RPAP3: variants seen among roughly 807,000 people sequenced by gnomAD.
RPAP3 encodes the protein RNA polymerase II-associated protein 3.
In RPAP3, 58 loss-of-function variants were observed where a neutral mutation model predicts 88.8. The observed-to-expected ratio is 0.65, with a 90% CI of 0.53 to 0.81. RPAP3 has a LOEUF of 0.81. RPAP3 is among the 40% of genes least tolerant of loss of function. The probability of loss-of-function intolerance (pLI) is 0.00; values close to 1 mark genes in which losing one functional copy is unlikely to be tolerated. For synonymous variants in RPAP3, 255 were observed against 259.9 expected (o/e 0.98, Z 0.18); for missense variants, 751 against 764.3 (o/e 0.98, Z 0.20).
Position 47,697,652 on chromosome 12 carries a change from G to A in RPAP3, c.362C>T (p.Ser121Leu), listed in dbSNP as rs374360356. The A allele has an allele frequency of 4.4e-5, 71 of 1,609,586 alleles. No individual in the cohort carries two copies. Among genetic ancestry groups the A allele is most frequent in the African/African-American group, 5.4e-5 (4 of 74,550 alleles). ...ATCTACATGAATCCCATCTTCTTCC[G>A]ACTCTGATTCTTGAGACAGAGACTC... ...THESLSQESE[S>L]EEDGIHVDSQ... Residue 121 changes from serine to leucine, a missense_variant, in exon 4 of 17, where the codon TCG becomes TTG. Physicochemically the swap from Ser to Leu is moderately radical, Grantham distance 145. Coordinates refer to ENST00000005386, the MANE Select transcript of RPAP3 (RefSeq NM_024604.3).
chr12:47,699,970 C>G (rs1021088189), intron 3 of RPAP3: 1 of 151,264 alleles, frequency 6.6e-6, no homozygotes, highest in African/African-American at 2.4e-5. Flanking sequence ...AAAGGAAGGC[C>G]TCTGCGAGGC....
chr12:47,702,116 T>G (rs1206099032), intron 2 of RPAP3, among the ~76,000 whole-genome samples: 5 of 152,374 alleles, frequency 3.3e-5, no homozygotes, highest in African/African-American at 1.2e-4. Flanking sequence ...CCTCTACATA[T>G]TTTATGATGC....
At chr12:47,665,764 C>G (rs1010492097) in intron 16 of RPAP3, among the ~76,000 whole-genome samples, 2 of 152,094 alleles carry the variant, frequency 1.3e-5, no homozygotes, top group South Asian at 2.1e-4. Flanking sequence ...CCTCAGCCCC[C>G]CTAGTAGCTG....
intron 3 of RPAP3, chr12:47,699,746 G>C (rs764242262): frequency 6.6e-6 from 1 of 152,140 alleles, no homozygotes; most frequent in Non-Finnish European, 1.5e-5. Context: ...TTATCAATAA[G>C]AGAATGGACA....
chr12:47,694,454 T>G (rs772664101), intron 5 of RPAP3, among the ~76,000 whole-genome samples: 9 of 152,234 alleles, frequency 5.9e-5, no homozygotes, highest in Non-Finnish European at 5.9e-5. Context: ...AGCAAACTAT[T>G]TTTTTGAACA....
At chr12:47,667,884 T>C (rs1592467315) in intron 14 of RPAP3, 33 bp from the exon 15 acceptor site, 4 of 1,308,862 alleles carry the variant, frequency 3.1e-6, no homozygotes, top group Non-Finnish European at 4.4e-6. Flanking sequence ...AATTACTTGA[T>C]GGCAACACTT....
rs1250841284 is a variant in RPAP3 at position 47,692,143 on chromosome 12, G to C, written c.546-1504C>G. On this transcript the variant is annotated intron_variant, in intron 5 of 16. Coordinates refer to ENST00000005386, the MANE Select transcript of RPAP3 (RefSeq NM_024604.3). Reference sequence around the variant, plus strand: ...AGAGTAGATTTAGCATAATTCCTAAGGGCCCTAGGACTTTTGGAATGGTAA... The same window carrying C: ...AGAGTAGATTTAGCATAATTCCTAACGGCCCTAGGACTTTTGGAATGGTAA... 2.7e-5 allele frequency among the ~76,000 whole-genome samples: 4 copies of C among 149,976 alleles called. No individual in the cohort carries two copies. The East Asian group carries it at 8.4e-4, about 32-fold the overall frequency.
intron 12 of RPAP3, among the ~76,000 whole-genome samples, chr12:47,672,801 A>G (rs1939026082): frequency 6.6e-6 from 1 of 152,176 alleles, no homozygotes; most frequent in Non-Finnish European, 1.5e-5. Context: ...TTAAATTCAC[A>G]TTGTATTTTC....
At chr12:47,680,950 CA>C (rs996479317) in intron 10 of RPAP3, among the ~76,000 whole-genome samples, 2 of 86,634 alleles carry the variant, frequency 2.3e-5, no homozygotes, top group Non-Finnish European at 2.4e-5. Flanking sequence ...TACTGGGATT[CA>C]AAAAAAAACA....
At position 47,673,813 on chromosome 12, in the gene RPAP3, G is replaced by A. The variant is rs147664793; in HGVS notation, c.1288-3468C>T. On this transcript the variant is annotated intron_variant, in intron 12 of 16. Coordinates refer to ENST00000005386, the MANE Select transcript of RPAP3 (RefSeq NM_024604.3). ...TTCTCTAAATTATAATTTGTCTTGCGTACTTTTCTGTATGTATATTTCATA... is the reference window on the plus strand; with the variant it reads ...TTCTCTAAATTATAATTTGTCTTGCATACTTTTCTGTATGTATATTTCATA... 4.5e-3 allele frequency among the ~76,000 whole-genome samples: 689 copies of A among 151,966 alleles called. 7 individuals are homozygous for A. The highest frequency in any genetic ancestry group is 0.016 in the African/African-American group (650 of 41,432).
chr12:47,686,592 C>A (rs1466684592), intron 9 of RPAP3, among the ~76,000 whole-genome samples, 188 bp downstream of exon 9: 1 of 140,094 alleles, frequency 7.1e-6, no homozygotes, highest in East Asian at 2.3e-4. Context: ...TTTCCCCTCT[C>A]ATTTCACTTT....
rs777789963 is a variant in RPAP3, at chr12:47,668,972, C to T, written c.1657G>A (p.Glu553Lys). Reference sequence around the variant, plus strand: ...CTTTTCAATTGTCTGAAATCAGATTCGAGCTGGAACGAGTTTGCAGGAATT... The same window carrying T: ...CTTTTCAATTGTCTGAAATCAGATTTGAGCTGGAACGAGTTTGCAGGAATT... Reference protein sequence around the residue: ...PPIPANSFQLESDFRQLKSSP... With the variant: ...PPIPANSFQLKSDFRQLKSSP... The change falls in exon 14 of 17, where the codon GAA (glutamate) becomes AAA (lysine). Residue 553 changes from glutamate to lysine, a missense_variant. Physicochemically the swap from Glu to Lys is moderately conservative, Grantham distance 56 (BLOSUM62 1). Transcript: ENST00000005386. 9 of 1,613,830 alleles carry T rather than the reference C, an allele frequency of 5.6e-6. No homozygotes were observed. Among genetic ancestry groups the T allele is most frequent in the Admixed American group, 5.0e-5 (3 of 59,998 alleles).
chr12:47,689,882 A>G (rs1939395837), intron 6 of RPAP3, among the ~76,000 whole-genome samples: 1 of 152,098 alleles, frequency 6.6e-6, no homozygotes, highest in South Asian at 2.1e-4. Context: ...CTCTACTAAA[A>G]TTACAAAAAT....
intron 10 of RPAP3, among the ~76,000 whole-genome samples, chr12:47,680,499 C>T (rs1156895161): frequency 6.6e-6 from 1 of 151,902 alleles, no homozygotes; most frequent in African/African-American, 2.4e-5. Flanking sequence ...ACTGCTGTAG[C>T]TAACAGGCTT....
chr12:47,668,915 C>G lies in RPAP3; in HGVS notation c.1713+1G>C. ...AGAAGTACTACCTTCCTCTCTCTTA[C>G]CTTTAAATACTGATACAACATATCT... On this transcript the variant is annotated splice_donor_variant, in intron 14 of 16. Transcript: ENST00000005386. LOFTEE classifies it high-confidence loss of function. 6.2e-7 allele frequency: 1 copy of G among 1,609,084 alleles called. No individual in the cohort carries two copies. The highest frequency in any genetic ancestry group is 8.5e-7 in the Non-Finnish European group (1 of 1,175,470).
Position 47,662,448 on chromosome 12 carries a change from T to TG in RPAP3, c.*1056dup, listed in dbSNP as rs1324216974. On this transcript the variant is annotated 3_prime_UTR_variant, in exon 17 of 17. Transcript: ENST00000005386. ...CAAACAATTCATAAGAATAGTAATA[T>TG]GTATAATGGCAATAAAAATTAACCA... 4.6e-5 allele frequency: 7 copies of TG among 152,328 alleles called. No homozygotes were observed. In the East Asian group the frequency reaches 1.2e-3, roughly 25 times the overall value. The allele number at this position is 152,328 out of a possible 1,614,324, so 9.4% of individuals were successfully genotyped here.
Position 47,678,949 on chromosome 12 carries a change from CG to C in RPAP3, c.1287+543del, listed in dbSNP as rs1360300710. ...ATGCTACTATAAAGACACATGCACA[CG>C]TATGTTTACTGAGGCACTATTCACA... On this transcript the variant is annotated intron_variant, in intron 12 of 16. Coordinates refer to ENST00000005386, the MANE Select transcript of RPAP3 (RefSeq NM_024604.3). Among the ~76,000 whole-genome samples the C allele has an allele frequency of 3.9e-5, 6 of 152,224 alleles. No homozygotes were observed. In the South Asian group the frequency reaches 1.0e-3, roughly 26 times the overall value.
At chr12:47,703,363 A>G (rs992829125) in intron 1 of RPAP3, among the ~76,000 whole-genome samples, 1 of 152,188 alleles carries the variant, frequency 6.6e-6, no homozygotes, top group African/African-American at 2.4e-5. Context: ...CAAAAAATTT[A>G]TTTTAAGAGT....
chr12:47,679,842 T>A lies in RPAP3; in HGVS notation c.1115-68A>T, dbSNP rs147413492. On this transcript the variant is annotated intron_variant, in intron 10 of 16. Coordinates refer to ENST00000005386, the MANE Select transcript of RPAP3 (RefSeq NM_024604.3). ...TGGAGTTTTCATATTCGCATGTATA[T>A]TCATGATATATTCAGTTAGTAATCA... 3.2e-4 allele frequency: 347 copies of A among 1,082,718 alleles called. 1 individual carries two copies. The African/African-American group carries it at 4.7e-3, about 15-fold the overall frequency. 67.1% of individuals were successfully genotyped at this position (1,082,718 alleles called of 1,614,324 possible).
Sources: gnomAD v4.1 joint callset for allele counts (sites outside exome capture counted in the v4.1 genomes callset) on GRCh38, gnomAD v4.1.1 for gene constraint, MANE v1.5 for transcripts, NCBI Gene and HGNC (gene_info 2026-07-23, HGNC 2026-07-21) for gene names.